Variants in PCDH15 observed in about 807,000 individuals in gnomAD.
The protein encoded by PCDH15 is protocadherin related 15, also known as protocadherin-15.
In PCDH15, 129 loss-of-function variants were observed where a neutral mutation model predicts 178.5. That is an observed-to-expected ratio of 0.72 (90% CI 0.63 to 0.84). The LOEUF is 0.84. Among genes scored for constraint, PCDH15 ranks in the 40% least tolerant of loss-of-function variants. The probability of loss-of-function intolerance (pLI) is 0.00; values close to 1 mark genes in which losing one functional copy is unlikely to be tolerated. For synonymous variants in PCDH15, 800 were observed against 732.0 expected (o/e 1.09, Z -1.50); for missense variants, 2,230 against 2,099.9 (o/e 1.06, Z -1.21).
intron 27 of PCDH15, among the ~76,000 whole-genome samples, chr10:53,860,254 T>G (rs2079015572): frequency 6.6e-6 from 1 of 152,158 alleles, no homozygotes; most frequent in Admixed American, 6.6e-5. Flanking sequence ...TAGCTGTTCA[T>G]CCAGCTCTTT....
intron 2 of PCDH15, among the ~76,000 whole-genome samples, chr10:55,561,468 A>G (rs563086592): frequency 2.0e-5 from 3 of 152,036 alleles, no homozygotes; most frequent in African/African-American, 7.2e-5. Flanking sequence ...GGACAATAAA[A>G]ATTGTTTATG....
At chr10:54,687,573 G>A (rs2095036920) in intron 1 of PCDH15, among the ~76,000 whole-genome samples, 1 of 152,102 alleles carries the variant, frequency 6.6e-6, no homozygotes, top group Non-Finnish European at 1.5e-5. Flanking sequence ...GTTGAATCCA[G>A]TTTGAGCAAG....
intron 26 of PCDH15, among the ~76,000 whole-genome samples, chr10:53,895,785 A>G (rs564724887): frequency 6.6e-6 from 1 of 152,314 alleles, no homozygotes; most frequent in East Asian, 1.9e-4. Flanking sequence ...TACACAGTTC[A>G]TCTCAAGTTG....
intron 2 of PCDH15, among the ~76,000 whole-genome samples, chr10:55,622,138 A>T (rs1286139326): frequency 7.4e-6 from 1 of 135,706 alleles, no homozygotes. Context: ...TATTATATAT[A>T]TTATATATAT....
At chr10:54,364,102 C>G (rs552303555) in intron 5 of PCDH15, among the ~76,000 whole-genome samples, 23 of 151,756 alleles carry the variant, frequency 1.5e-4, no homozygotes, top group African/African-American at 4.6e-4. Flanking sequence ...ATTCCAGCTA[C>G]TCGGGAGGCT....
intron 2 of PCDH15, among the ~76,000 whole-genome samples, chr10:55,603,108 C>T (rs1313562691): frequency 3.3e-5 from 5 of 151,536 alleles, no homozygotes; most frequent in Non-Finnish European, 7.4e-5. Flanking sequence ...CCTCAGGAGC[C>T]GAAGCAATCA....
chr10:54,151,787 A>G (rs772524329), intron 14 of PCDH15, among the ~76,000 whole-genome samples: 4 of 152,274 alleles, frequency 2.6e-5, no homozygotes, highest in South Asian at 4.1e-4. Flanking sequence ...ATAAAAACAC[A>G]GTTAACAACA....
chr10:55,529,613 C>T (rs1841397338), intron 2 of PCDH15, among the ~76,000 whole-genome samples: 1 of 150,944 alleles, frequency 6.6e-6, no homozygotes, highest in Non-Finnish European at 1.5e-5. Context: ...TTTAGGATCA[C>T]ATATACAGGT....
At chr10:54,191,381 A>C (rs2048974113) in intron 11 of PCDH15, among the ~76,000 whole-genome samples, 1 of 152,308 alleles carries the variant, frequency 6.6e-6, no homozygotes. Flanking sequence ...ACTGAGTATA[A>C]GTTATCCAAG....
Position 54,380,705 on chromosome 10 carries a change from C to CATATAT in PCDH15, c.158-1769_158-1764dup, listed in dbSNP as rs58171476. ...ATATATGCTCCATATATATATGCTC[C>CATATAT]ATATATATATATATATATATATATA... On this transcript the variant is annotated intron_variant, in intron 3 of 37. Coordinates refer to ENST00000644397, the MANE Select transcript of PCDH15 (RefSeq NM_001384140.1). Among the ~76,000 whole-genome samples the CATATAT allele has an allele frequency of 1.1e-3, 56 of 48,986 alleles. 1 individual carries two copies. The highest frequency in any genetic ancestry group is 1.5e-3 in the African/African-American group (16 of 10,482). 32.1% of individuals were successfully genotyped at this position (48,986 alleles called of 152,430 possible). A position where few individuals can be genotyped will look rare whatever the true frequency, so the allele number is the denominator to read the frequency against.
intron 3 of PCDH15, among the ~76,000 whole-genome samples, chr10:54,416,377 T>A (rs7905137): frequency 6.6e-6 from 1 of 151,784 alleles, no homozygotes; most frequent in African/African-American, 2.4e-5. Context: ...CATGCAGTGT[T>A]TGGTTTTCTG....
At chr10:54,094,118 T>C (rs1014211340) in intron 15 of PCDH15, among the ~76,000 whole-genome samples, 1 of 152,080 alleles carries the variant, frequency 6.6e-6, no homozygotes, top group African/African-American at 2.4e-5. Flanking sequence ...TGCACTCAAG[T>C]ACAAAATGAG....
At chr10:54,319,710 C>A (rs1160864689) in intron 7 of PCDH15, among the ~76,000 whole-genome samples, 1 of 140,260 alleles carries the variant, frequency 7.1e-6, no homozygotes, top group Non-Finnish European at 1.5e-5. Flanking sequence ...TACTAACAGA[C>A]CTGTATTTTT....
intron 2 of PCDH15, among the ~76,000 whole-genome samples, chr10:55,137,081 A>C (rs1838214944): frequency 6.6e-6 from 1 of 152,202 alleles, no homozygotes; most frequent in Non-Finnish European, 1.5e-5. Context: ...TTAACAAATA[A>C]AACTGCCTCT....
At chr10:54,822,810 G>A (rs986149796) in intron 3 of PCDH15, among the ~76,000 whole-genome samples, 1 of 151,230 alleles carries the variant, frequency 6.6e-6, no homozygotes, top group Admixed American at 6.6e-5. Flanking sequence ...TTGTCTTTTT[G>A]TTAAAAGTCA....
intron 1 of PCDH15, among the ~76,000 whole-genome samples, chr10:55,266,307 T>C (rs12416366): frequency 0.18 from 27,265 of 151,996 alleles, 3,454 homozygotes; most frequent in East Asian, 0.37. Flanking sequence ...GATAGACCCC[T>C]GGGAGGAATC....
intron 2 of PCDH15, among the ~76,000 whole-genome samples, chr10:54,970,197 T>C (rs1180133796): frequency 1.3e-5 from 2 of 152,162 alleles, no homozygotes; most frequent in Non-Finnish European, 2.9e-5. Context: ...ACCTTTATCT[T>C]GGATGTTCAG....
chr10:54,086,551 G>A (rs1339536250), intron 16 of PCDH15, among the ~76,000 whole-genome samples: 2 of 152,150 alleles, frequency 1.3e-5, no homozygotes, highest in Admixed American at 1.3e-4. Flanking sequence ...AAAGAAGGTG[G>A]CAGTTGAAAT....
Position 55,406,818 on chromosome 10 carries a change from T to G in PCDH15, c.-156+220807A>C, listed in dbSNP as rs75327757. On this transcript the variant is annotated intron_variant, in intron 2 of 5. Transcript: ENST00000613346. ...GTGTGTTCAATAACTGAGAAATACC[T>G]AGGACACGATCCTATGATACTTCAA... Among the ~76,000 whole-genome samples the G allele has an allele frequency of 5.4e-3, 815 of 152,250 alleles. 9 individuals are homozygous for G. The highest frequency in any genetic ancestry group is 0.018 in the African/African-American group (766 of 41,558).
Sources: allele counts gnomAD v4.1 joint callset (sites outside exome capture counted in the v4.1 genomes callset), GRCh38; gene constraint gnomAD v4.1.1; transcripts MANE v1.5; gene names NCBI Gene and HGNC (gene_info 2026-07-23, HGNC 2026-07-21).